Variants in ANKRD33B observed in about 807,000 individuals in gnomAD.
ANKRD33B encodes ankyrin repeat domain-containing protein 33B.
In ANKRD33B, 6 loss-of-function variants were observed where a neutral mutation model predicts 21.5. The ratio of observed to expected loss-of-function variants is 0.28; its 90% CI spans 0.15 to 0.55. The LOEUF is 0.55. ANKRD33B is among the 20% of genes least tolerant of loss of function. The pLI, the probability that ANKRD33B is intolerant of heterozygous loss-of-function variation, is 0.94. For synonymous variants in ANKRD33B, 347 were observed against 342.4 expected (o/e 1.01, Z -0.15); for missense variants, 698 against 747.2 (o/e 0.93, Z 0.77).
intron 1 of ANKRD33B, among the ~76,000 whole-genome samples, chr5:10,612,410 A>C (rs1736191631): frequency 6.6e-6 from 1 of 152,192 alleles, no homozygotes; most frequent in African/African-American, 2.4e-5. Context: ...CCTATTTATG[A>C]GGGCTCTGCC....
chr5:10,639,206 A>C (rs201697031), intron 3 of ANKRD33B, among the ~76,000 whole-genome samples: 1 of 36,354 alleles, frequency 2.8e-5, no homozygotes, highest in Non-Finnish European at 6.0e-5. Flanking sequence ...GGTGACGTGG[A>C]GTTGCGCGGC....
At chr5:10,642,965 C>T (rs1040512582) in intron 3 of ANKRD33B, among the ~76,000 whole-genome samples, 3 of 152,048 alleles carry the variant, frequency 2.0e-5, no homozygotes, top group African/African-American at 7.2e-5. Flanking sequence ...AGTGCAGTGG[C>T]GCGATCTCGG....
chr5:10,631,201 T>C (rs937928558), intron 2 of ANKRD33B, among the ~76,000 whole-genome samples: 1 of 152,108 alleles, frequency 6.6e-6, no homozygotes, highest in African/African-American at 2.4e-5. Flanking sequence ...GACTGAGACA[T>C]GGGAGGGCAG....
chr5:10,636,457 A>AAT (rs1553994668), intron 2 of ANKRD33B, among the ~76,000 whole-genome samples: 3 of 151,662 alleles, frequency 2.0e-5, no homozygotes, highest in Admixed American at 6.6e-5. Context: ...ACAAAAAAAA[A>AAT]TTTTTTTTAA....
chr5:10,636,307 C>T (rs572044992), intron 2 of ANKRD33B, among the ~76,000 whole-genome samples: 5 of 152,176 alleles, frequency 3.3e-5, no homozygotes, highest in South Asian at 2.1e-4. Context: ...ACTGCGTCAT[C>T]GGTGCATAAG....
At chr5:10,575,638 A>C (rs1387449085) in intron 1 of ANKRD33B, among the ~76,000 whole-genome samples, 1 of 152,124 alleles carries the variant, frequency 6.6e-6, no homozygotes, top group African/African-American at 2.4e-5. Flanking sequence ...TCTGCTGCAC[A>C]TTCAAGCACT....
intron 1 of ANKRD33B, among the ~76,000 whole-genome samples, chr5:10,612,050 G>A (rs1035492578): frequency 9.2e-5 from 14 of 152,156 alleles, no homozygotes; most frequent in South Asian, 6.2e-4. Context: ...CTGTGGCGCC[G>A]GGCTTGAGGC....
At chr5:10,614,933 G>A (rs1457113778) in intron 1 of ANKRD33B, among the ~76,000 whole-genome samples, 1 of 152,056 alleles carries the variant, frequency 6.6e-6, no homozygotes, top group East Asian at 1.9e-4. Flanking sequence ...TGTTATATCA[G>A]CCTTCCCAAG....
intron 1 of ANKRD33B, among the ~76,000 whole-genome samples, chr5:10,596,576 G>A (rs143239674): frequency 3.9e-4 from 59 of 152,234 alleles, no homozygotes; most frequent in African/African-American, 1.1e-3. Flanking sequence ...ACTGATTGGC[G>A]TACCTGAAAG....
intron 3 of ANKRD33B, among the ~76,000 whole-genome samples, chr5:10,649,016 C>A (rs1188439702): frequency 6.6e-6 from 1 of 152,204 alleles, no homozygotes; most frequent in Non-Finnish European, 1.5e-5. Context: ...GGGAGGCTGA[C>A]TTGGGGGGAT....
chr5:10,644,266 T>A (rs530074503), intron 3 of ANKRD33B, among the ~76,000 whole-genome samples: 1 of 152,322 alleles, frequency 6.6e-6, no homozygotes, highest in South Asian at 2.1e-4. Context: ...TTTGGCTTCG[T>A]AAGGAGTAAT....
intron 1 of ANKRD33B, among the ~76,000 whole-genome samples, chr5:10,567,325 G>A (rs1299748459): frequency 6.6e-6 from 1 of 152,260 alleles, no homozygotes; most frequent in African/African-American, 2.4e-5. Context: ...TAAATGGAGT[G>A]AGTCATTGCC....
intron 1 of ANKRD33B, among the ~76,000 whole-genome samples, chr5:10,574,136 C>T (rs532876596): frequency 1.2e-4 from 19 of 152,328 alleles, no homozygotes; most frequent in Admixed American, 3.3e-4. Context: ...ATCATTCCAC[C>T]GGCTGTGTAG....
intron 1 of ANKRD33B, among the ~76,000 whole-genome samples, chr5:10,614,371 C>T (rs1579735386): frequency 6.6e-6 from 1 of 152,182 alleles, no homozygotes; most frequent in East Asian, 1.9e-4. Flanking sequence ...CTACTGTGGC[C>T]TAGCCAAGTT....
intron 1 of ANKRD33B, among the ~76,000 whole-genome samples, chr5:10,573,504 A>G (rs1413300730): frequency 6.7e-6 from 1 of 149,754 alleles, no homozygotes; most frequent in Non-Finnish European, 1.5e-5. Context: ...CAATTCTTTT[A>G]TGGACATACA....
intron 2 of ANKRD33B, among the ~76,000 whole-genome samples, chr5:10,636,514 G>T (rs760433844): frequency 1.9e-4 from 29 of 152,180 alleles, no homozygotes; most frequent in Non-Finnish European, 3.5e-4. Flanking sequence ...CTACTTGGGA[G>T]GCTGAGGAGG....
rs568010595 is a variant in ANKRD33B at position 10,567,814 on chromosome 5, C to G, written c.366+2981C>G. Among the ~76,000 whole-genome samples, 46 of 152,274 alleles carry G rather than the reference C, an allele frequency of 3.0e-4. 1 individual carries two copies. The highest frequency in any genetic ancestry group is 1.0e-3 in the African/African-American group (43 of 41,544). Reference sequence around the variant, plus strand: ...ACCTCGTTGGAGCCTGGTCTCCAAGCTTATCATGATTAGTGGCAGTGAAAA... The same window carrying G: ...ACCTCGTTGGAGCCTGGTCTCCAAGGTTATCATGATTAGTGGCAGTGAAAA... On this transcript the variant is annotated intron_variant, in intron 1 of 3. Coordinates refer to ENST00000296657, the MANE Select transcript of ANKRD33B (RefSeq NM_001164440.2).
intron 1 of ANKRD33B, among the ~76,000 whole-genome samples, chr5:10,608,849 C>T (rs995411928): frequency 2.0e-5 from 3 of 152,132 alleles, no homozygotes; most frequent in Non-Finnish European, 2.9e-5. Context: ...AGAAAACAAT[C>T]GCAACACCCT....
Position 10,619,658 on chromosome 5 carries a change from G to A in ANKRD33B, c.496+1196G>A, listed in dbSNP as rs77030725. Among the ~76,000 whole-genome samples, 1,259 of 152,324 alleles carry A rather than the reference G, an allele frequency of 8.3e-3. 9 individuals are homozygous for A. Among genetic ancestry groups the A allele is most frequent in the Middle Eastern group, 0.02 (6 of 294 alleles). ...ACATGTGTTCACCTCCTCAGGTTTCGAAGCGTGAGGCATCACTTCCATGGA... is the reference window on the plus strand; with the variant it reads ...ACATGTGTTCACCTCCTCAGGTTTCAAAGCGTGAGGCATCACTTCCATGGA... On this transcript the variant is annotated intron_variant, in intron 2 of 3. Transcript: ENST00000296657. This position sits in a 1 kb window ranked among gnomAD's most constrained non-coding sequence, Gnocchi z 4.5.
Sources: gnomAD v4.1 joint callset for allele counts (sites outside exome capture counted in the v4.1 genomes callset) on GRCh38, gnomAD v4.1.1 for gene constraint, Gnocchi (gnomAD v3.1) non-coding constraint, MANE v1.5 for transcripts, NCBI Gene and HGNC (gene_info 2026-07-23, HGNC 2026-07-21) for gene names.